TENM2: variants seen among roughly 807,000 people sequenced by gnomAD.
TENM2 encodes teneurin-2.
TENM2 carries 52 observed loss-of-function variants against 245.2 expected under a neutral mutation model. That is an observed-to-expected ratio of 0.21 (90% confidence interval 0.17 to 0.27). TENM2 has a LOEUF of 0.27. TENM2 is among the 10% of genes least tolerant of loss of function. The pLI is 1.00. For synonymous variants in TENM2, 1,363 were observed against 1,438.9 expected (o/e 0.95, Z 1.19); for missense variants, 3,046 against 3,666.8 (o/e 0.83, Z 4.37).
At chr5:167,644,825 G>A (rs961478883) in intron 2 of TENM2, among the ~76,000 whole-genome samples, 4 of 152,130 alleles carry the variant, frequency 2.6e-5, no homozygotes, top group African/African-American at 7.2e-5. Context: ...ACTCAGTGAC[G>A]TACAGTCATG....
At chr5:167,633,351 A>G (rs1397486641) in intron 2 of TENM2, among the ~76,000 whole-genome samples, 1 of 152,174 alleles carries the variant, frequency 6.6e-6, no homozygotes, top group African/African-American at 2.4e-5. Context: ...TTTTGAGAAG[A>G]ATAAATGATT....
intron 1 of TENM2, among the ~76,000 whole-genome samples, chr5:167,349,600 A>G (rs1758693494): frequency 1.3e-5 from 2 of 152,158 alleles, no homozygotes; most frequent in Admixed American, 6.5e-5. Flanking sequence ...TGTAATTACT[A>G]TATATACACA....
intron 2 of TENM2, among the ~76,000 whole-genome samples, chr5:167,838,663 C>T (rs1435684614): frequency 3.3e-5 from 5 of 152,222 alleles, no homozygotes; most frequent in African/African-American, 4.8e-5. Flanking sequence ...TTCTGTGATT[C>T]CTATCTCAGC....
At chr5:167,865,640 G>A (rs576095986) in intron 2 of TENM2, among the ~76,000 whole-genome samples, 2 of 151,962 alleles carry the variant, frequency 1.3e-5, no homozygotes, top group East Asian at 3.9e-4. Flanking sequence ...ATGTGGTCGC[G>A]CTACCATGCC....
intron 2 of TENM2, among the ~76,000 whole-genome samples, chr5:167,823,080 C>G (rs1462821422): frequency 6.6e-6 from 1 of 152,150 alleles, no homozygotes; most frequent in African/African-American, 2.4e-5. Flanking sequence ...TACTGCATCG[C>G]TTGCCAGATT....
chr5:167,646,200 CAT>C (rs61476810), intron 2 of TENM2, among the ~76,000 whole-genome samples: 5,149 of 63,330 alleles, frequency 0.081, 177 homozygotes, highest in African/African-American at 0.11. Flanking sequence ...ATGTTGTTTT[CAT>C]ATATATATAT....
At chr5:167,985,242 C>A (rs1056127853) in intron 4 of TENM2, among the ~76,000 whole-genome samples, 1 of 152,172 alleles carries the variant, frequency 6.6e-6, no homozygotes, top group African/African-American at 2.4e-5. Flanking sequence ...CTTCCCCTAG[C>A]TTTTGATCAA....
At chr5:167,013,128 T>C in the TENM2 span, among the ~76,000 whole-genome samples, 1 of 152,192 alleles carries the variant, frequency 6.6e-6, no homozygotes, top group Non-Finnish European at 1.5e-5. Flanking sequence ...GATATCATTG[T>C]AACTATGTCT....
the TENM2 span, among the ~76,000 whole-genome samples, chr5:167,105,929 A>G: frequency 7.3e-6 from 1 of 136,578 alleles, no homozygotes; most frequent in Non-Finnish European, 1.5e-5. Context: ...AAAAAAAAAG[A>G]AAGTGATCAA....
intron 13 of TENM2, chr5:168,186,777 C>T (rs556037317): frequency 6.6e-6 from 1 of 152,322 alleles, no homozygotes; most frequent in Admixed American, 6.5e-5. Context: ...CCTCTCAGGT[C>T]CTGAACTGGC....
At chr5:167,205,379 T>A in the TENM2 span, among the ~76,000 whole-genome samples, 1 of 152,142 alleles carries the variant, frequency 6.6e-6, no homozygotes, top group African/African-American at 2.4e-5. Context: ...AGACTCTGTC[T>A]CAAAAAATAA....
At chr5:167,538,777 GCTGT>G (rs1772008899) in intron 2 of TENM2, among the ~76,000 whole-genome samples, 1 of 152,186 alleles carries the variant, frequency 6.6e-6, no homozygotes, top group Non-Finnish European at 1.5e-5. Flanking sequence ...GGTAGAATAA[GCTGT>G]CTGTCATTTG....
At chr5:168,162,841 A>G in intron 13 of TENM2, 84 bp downstream of exon 15, 1 of 1,468,536 alleles carries the variant, frequency 6.8e-7, no homozygotes, top group South Asian at 1.2e-5. Flanking sequence ...CTTCGGAAAG[A>G]CCTCCCCTGC....
At chr5:167,439,128 T>A (rs1349718055) in intron 2 of TENM2, among the ~76,000 whole-genome samples, 1 of 152,114 alleles carries the variant, frequency 6.6e-6, no homozygotes, top group Non-Finnish European at 1.5e-5. Flanking sequence ...GTGAGAGAGT[T>A]GGTATTGAGT....
chr5:167,364,188 T>G (rs1420906662), intron 1 of TENM2, among the ~76,000 whole-genome samples: 1 of 152,050 alleles, frequency 6.6e-6, no homozygotes, highest in African/African-American at 2.4e-5. Context: ...TTTTTTATAT[T>G]AAGAAATCAT....
chr5:168,256,436 T>A (rs1767669374), intron 27 of TENM2, among the ~76,000 whole-genome samples: 1 of 150,808 alleles, frequency 6.6e-6, no homozygotes, highest in Admixed American at 6.6e-5. Flanking sequence ...TCTTTTTTTT[T>A]TTTTTTTGAG....
At chr5:167,779,946 C>G (rs1764076364) in intron 2 of TENM2, among the ~76,000 whole-genome samples, 1 of 152,126 alleles carries the variant, frequency 6.6e-6, no homozygotes, top group South Asian at 2.1e-4. Context: ...TTCAATGTAC[C>G]AAATGTTCTA....
chr5:167,224,948 A>T, the TENM2 span, among the ~76,000 whole-genome samples: 1 of 151,750 alleles, frequency 6.6e-6, no homozygotes, highest in African/African-American at 2.4e-5. Flanking sequence ...TAAGTATTTT[A>T]TTATTTTTCA....
the TENM2 span, among the ~76,000 whole-genome samples, chr5:167,184,937 C>T: frequency 5.3e-5 from 8 of 152,144 alleles, no homozygotes; most frequent in South Asian, 2.1e-4. Context: ...CACACAACCT[C>T]GATCCCTCGC....
Sources: gnomAD v4.1 joint callset for allele counts (sites outside exome capture counted in the v4.1 genomes callset) on GRCh38, gnomAD v4.1.1 for gene constraint, MANE v1.5 for transcripts, NCBI Gene and HGNC (gene_info 2026-07-23, HGNC 2026-07-21) for gene names.